Variants in ZNF639 observed in about 807,000 individuals in gnomAD.
The protein encoded by ZNF639 is zinc finger protein 639, also known as zinc finger amplified in esophageal squamous cell carcinomas 1.
In ZNF639, 20 loss-of-function variants were observed where a neutral mutation model predicts 39.8. That is an observed-to-expected ratio of 0.50 (90% CI 0.35 to 0.73). The LOEUF is 0.73. Among genes scored for constraint, ZNF639 ranks in the 30% least tolerant of loss-of-function variants. The pLI, the probability that ZNF639 is intolerant of heterozygous loss-of-function variation, is 0.00. For synonymous variants in ZNF639, 176 were observed against 189.8 expected (o/e 0.93, Z 0.60); for missense variants, 477 against 566.2 (o/e 0.84, Z 1.60).
In ZNF639 at chr3:179,333,530, C is replaced by T. The variant is rs765428875; in HGVS notation, c.566C>T (p.Ala189Val). The change falls in exon 6 of 6, where the codon GCC becomes GTC. Residue 189 changes from alanine to valine, a missense_variant. Ala to Val is a moderately conservative substitution (Grantham distance 64). Coordinates refer to ENST00000496856, the MANE Select transcript of ZNF639 (RefSeq NM_001303426.2). ...AAGAGCCAAGCTTTGAATGTGACTG[C>T]CCAGCAGAAATGGCCTTTACTGAGA... ...LDKSQALNVT[A>V]QQKWPLLRAN... is the part of the protein sequence containing the mutation. 3.1e-6 allele frequency: 5 copies of T among 1,613,970 alleles called. No homozygotes were observed. The highest frequency in any genetic ancestry group is 4.2e-6 in the Non-Finnish European group (5 of 1,180,032).
At chr3:179,325,808 G>A (rs903696730) in intron 1 of ZNF639, among the ~76,000 whole-genome samples, 4 of 152,142 alleles carry the variant, frequency 2.6e-5, no homozygotes, top group East Asian at 1.9e-4. Context: ...ATGAACCCGG[G>A]AGGCGGAGCT....
intron 4 of ZNF639, among the ~76,000 whole-genome samples, chr3:179,330,609 G>A (rs1255776918): frequency 1.3e-5 from 2 of 152,200 alleles, no homozygotes; most frequent in Non-Finnish European, 2.9e-5. Context: ...AGTTGGTTAG[G>A]AATTGGTGGC....
chr3:179,333,516 T>C lies in ZNF639; in HGVS notation c.552T>C (p.Ala184=). The C allele has an allele frequency of 6.2e-7, 1 of 1,614,152 alleles. No homozygotes were observed. The highest frequency in any genetic ancestry group is 1.7e-5 in the Admixed American group (1 of 60,018). The change falls in exon 6 of 6, where the codon GCT becomes GCC. Residue 184 remains alanine, a synonymous_variant. Transcript: ENST00000496856. ...KLCKILDKSQ[A]LNVTAQQKWP... Reference sequence around the variant, plus strand: ...GTAAAATTCTTGACAAGAGCCAAGCTTTGAATGTGACTGCCCAGCAGAAAT... The same window carrying C: ...GTAAAATTCTTGACAAGAGCCAAGCCTTGAATGTGACTGCCCAGCAGAAAT...
Position 179,326,229 on chromosome 3 carries a change from C to T in ZNF639, c.-82-1332C>T, listed in dbSNP as rs142382308. ...ACCTGTAATCCCAGCCTCCTGCTGG[C>T]GGGCGCCCGTAATCCCGGCCACTCA... On this transcript the variant is annotated intron_variant, in intron 1 of 5. Transcript: ENST00000496856. Among the ~76,000 whole-genome samples, 1,082 of 152,150 alleles carry T rather than the reference C, an allele frequency of 7.1e-3. 8 individuals are homozygous for T. The highest frequency in any genetic ancestry group is 0.01 in the Non-Finnish European group (707 of 68,002).
In ZNF639 at chr3:179,333,771, A is replaced by G. The variant is rs776548103; in HGVS notation, c.807A>G (p.Thr269=). ...TTTGTAAATACTGTGATTATAAGAC[A>G]GTAATTTTTGAGAACCTCAGCCAGC... ...PYICKYCDYK[T]VIFENLSQHI... is the part of the protein sequence containing the mutation. Residue 269 remains threonine, a synonymous_variant, in exon 6 of 6, where the codon ACA becomes ACG. Transcript: ENST00000496856. 1 of 1,614,190 alleles carries G rather than the reference A, an allele frequency of 6.2e-7. No homozygotes were observed. Among genetic ancestry groups the G allele is most frequent in the Non-Finnish European group, 8.5e-7 (1 of 1,180,032 alleles).
rs1014759401 is a variant in ZNF639 at position 179,337,600 on chromosome 3, G to A, written c.*3178G>A. On this transcript the variant is annotated 3_prime_UTR_variant, in exon 6 of 6. Coordinates refer to ENST00000496856, the MANE Select transcript of ZNF639 (RefSeq NM_001303426.2). ...GATCTGCCCACCTCGACCTCCCAAA[G>A]TGCTAGGATTACAGGCGTGAGCCAC... is the stretch of plus-strand genomic sequence containing the variant. The A allele has an allele frequency of 6.6e-6, 1 of 151,990 alleles. No homozygotes were observed. Among genetic ancestry groups the A allele is most frequent in the African/African-American group, 2.4e-5 (1 of 41,352 alleles). The allele number at this position is 151,990 out of a possible 1,614,324, so 9.4% of individuals were successfully genotyped here.
Position 179,334,524 on chromosome 3 carries a change from C to A in ZNF639, c.*102C>A. The A allele has an allele frequency of 3.4e-6, 3 of 869,610 alleles. No homozygotes were observed. The highest frequency in any genetic ancestry group is 4.8e-6 in the Non-Finnish European group (3 of 621,324). 53.9% of individuals were successfully genotyped at this position (869,610 alleles called of 1,614,324 possible). On this transcript the variant is annotated 3_prime_UTR_variant, in exon 6 of 6. Transcript: ENST00000496856. Reference sequence around the variant, plus strand: ...TTGTAAACACAACTTATGAAATCTGCCTTTAACAAGTAACTTTTTTAAATT... The same window carrying A: ...TTGTAAACACAACTTATGAAATCTGACTTTAACAAGTAACTTTTTTAAATT...
At chr3:179,329,902 AACT>A (rs376820113) in intron 4 of ZNF639, 174 bp downstream of exon 4, 1 of 355,870 alleles carries the variant, frequency 2.8e-6, no homozygotes, top group Non-Finnish European at 4.9e-6. Flanking sequence ...AAGTAATTTT[AACT>A]ATTCTTTTTT....
rs1422564235 is a variant in ZNF639, at chr3:179,333,057, A to G, written c.238A>G (p.Arg80Gly). The G allele has an allele frequency of 6.3e-7, 1 of 1,575,976 alleles. No individual in the cohort carries two copies. Among genetic ancestry groups the G allele is most frequent in the Non-Finnish European group, 8.6e-7 (1 of 1,159,198 alleles). ...TGCAGATGGAATCAAGGCCAGAAAC[A>G]GAAATCAGAACTACCTGGTTCCCAG... ...KFADGIKARN[R>G]NQNYLVPSPV... Residue 80 changes from arginine to glycine, a missense_variant, in exon 5 of 6, where the codon AGA becomes GGA. Arg to Gly is a moderately radical substitution (Grantham distance 125). Coordinates refer to ENST00000496856, the MANE Select transcript of ZNF639 (RefSeq NM_001303426.2).
chr3:179,325,124 C>A (rs1419765667), intron 1 of ZNF639: 1 of 152,222 alleles, frequency 6.6e-6, no homozygotes, highest in Admixed American at 6.6e-5. Context: ...CGGATTCAAG[C>A]GATTCTCATG....
chr3:179,334,465 T>TTTTTTA lies in ZNF639; in HGVS notation c.*44_*45insTTTTAT. On this transcript the variant is annotated 3_prime_UTR_variant, in exon 6 of 6. Coordinates refer to ENST00000496856, the MANE Select transcript of ZNF639 (RefSeq NM_001303426.2). ...CAGAATGTTAGTTTAAAATAATAAA[T>TTTTTTA]TCATCCTTTTTTTGGAGATGATTAA... is the stretch of plus-strand genomic sequence containing the variant. 7.1e-7 allele frequency: 1 copy of TTTTTTA among 1,414,240 alleles called. No homozygotes were observed. Among genetic ancestry groups the TTTTTTA allele is most frequent in the Non-Finnish European group, 9.4e-7 (1 of 1,067,112 alleles). The allele number at this position is 1,414,240 out of a possible 1,614,324, so 87.6% of individuals were successfully genotyped here.
chr3:179,323,391 G>A, intron 1 of ZNF639, 100 bp downstream of exon 1: 1 of 985,466 alleles, frequency 1.0e-6, no homozygotes, highest in Non-Finnish European at 1.2e-6. Flanking sequence ...GGAGAGACCG[G>A]AGCTCCCTTT....
chr3:179,329,248 A>G (rs1727768408), intron 3 of ZNF639, among the ~76,000 whole-genome samples: 2 of 152,184 alleles, frequency 1.3e-5, no homozygotes, highest in Admixed American at 1.3e-4. Flanking sequence ...GGTCCTTACC[A>G]TTTCCCCTAT....
At chr3:179,326,785 C>A (rs1000788363) in intron 1 of ZNF639, among the ~76,000 whole-genome samples, 1 of 151,784 alleles carries the variant, frequency 6.6e-6, no homozygotes, top group Non-Finnish European at 1.5e-5. Flanking sequence ...ACCATCACAC[C>A]CGGCTGATTT....
Position 179,328,357 on chromosome 3 carries a change from T to C in ZNF639, c.58+6T>C, listed in dbSNP as rs769653008. ...ACACCCTTCTCGTTATTCAGGTCAGTGTATAATTATTTTAAAGTTGGGTAT... is the reference window on the plus strand; with the variant it reads ...ACACCCTTCTCGTTATTCAGGTCAGCGTATAATTATTTTAAAGTTGGGTAT... On this transcript the variant is annotated splice_donor_region_variant and intron_variant, in intron 3 of 5. Transcript: ENST00000496856. 27 of 1,563,862 alleles carry C rather than the reference T, an allele frequency of 1.7e-5. No individual in the cohort carries two copies. In the Admixed American group the frequency reaches 5.4e-4, roughly 31 times the overall value.
intron 4 of ZNF639, chr3:179,329,929 TTGA>T (rs1402462866): frequency 1.8e-4 from 49 of 279,182 alleles, no homozygotes; most frequent in Non-Finnish European, 7.4e-5. Flanking sequence ...TTTTTTTTTT[TTGA>T]GATGGAGTCT....
At chr3:179,325,386 A>G (rs1470118485) in intron 1 of ZNF639, 1 of 152,180 alleles carries the variant, frequency 6.6e-6, no homozygotes, top group African/African-American at 2.4e-5. Context: ...TCTTTAGGCT[A>G]TTCTGTTCCC....
chr3:179,329,905 TA>T, intron 4 of ZNF639, 177 bp downstream of exon 4: 2 of 289,064 alleles, frequency 6.9e-6, no homozygotes, highest in Non-Finnish European at 1.2e-5. Context: ...TAATTTTAAC[TA>T]TTCTTTTTTT....
Position 179,323,158 on chromosome 3 carries a change from G to C in ZNF639, c.-216G>C, listed in dbSNP as rs1483485157. On this transcript the variant is annotated 5_prime_UTR_variant, in exon 1 of 6. Coordinates refer to ENST00000496856, the MANE Select transcript of ZNF639 (RefSeq NM_001303426.2). ...GAGGGGTCGGCCCAGCACAGCGTCC[G>C]GGAGCGCTAGGGCCGGAGCAGCGCT... 1 of 984,398 alleles carries C rather than the reference G, an allele frequency of 1.0e-6. No homozygotes were observed. The allele number at this position is 984,398 out of a possible 1,614,324, so 61.0% of individuals were successfully genotyped here. A position where few individuals can be genotyped will look rare whatever the true frequency, so the allele number is the denominator to read the frequency against.
Sources: allele counts gnomAD v4.1 joint callset (sites outside exome capture counted in the v4.1 genomes callset), GRCh38; gene constraint gnomAD v4.1.1; transcripts MANE v1.5; gene names NCBI Gene and HGNC (gene_info 2026-07-23, HGNC 2026-07-21).